Variants in TANK observed in about 807,000 individuals in gnomAD.
TANK encodes TRAF family member associated NFKB activator, also known as TRAF family member-associated NF-kappa-B activator.
A neutral mutation model predicts 43.6 loss-of-function variants in TANK; 15 were observed. The ratio of observed to expected loss-of-function variants is 0.34; its 90% CI spans 0.23 to 0.53. The LOEUF is 0.53. Among genes scored for constraint, TANK ranks in the 20% least tolerant of loss-of-function variants. The pLI is 0.94. For synonymous variants in TANK, 162 were observed against 178.2 expected, an observed-to-expected ratio of 0.91 and a Z score of 0.73; for missense variants, 417 against 498.6, an observed-to-expected ratio of 0.84 and a Z score of 1.56.
intron 1 of TANK, among the ~76,000 whole-genome samples, chr2:161,149,537 G>C (rs1214632184): frequency 1.3e-5 from 2 of 152,176 alleles, no homozygotes; most frequent in Non-Finnish European, 1.5e-5. Context: ...TAGCAGTGGT[G>C]AAAGAAAGTG....
chr2:161,202,876 A>G (rs1292238394), intron 2 of TANK: 3 of 468,194 alleles, frequency 6.4e-6, no homozygotes, highest in South Asian at 3.1e-5. Flanking sequence ...CTGCAATAAC[A>G]TAGCAAAATT....
rs1685330826 is a variant in TANK, at chr2:161,179,651, G to T, written c.-12G>T. 1 of 1,612,560 alleles carries T rather than the reference G, an allele frequency of 6.2e-7. No individual in the cohort carries two copies. The highest frequency in any genetic ancestry group is 8.5e-7 in the Non-Finnish European group (1 of 1,179,328). The stretch of plus-strand genomic sequence containing the variant: ...CTCCATCCTTTATAGTGATGCTACA[G>T]GACGAAGAGGAATGGATAAAAACAT... On this transcript the variant is annotated 5_prime_UTR_variant, in exon 2 of 8. The change creates a new upstream start codon in the 5' untranslated region. Coordinates refer to ENST00000392749, the MANE Select transcript of TANK (RefSeq NM_001199135.3).
chr2:161,166,803 AAAC>A (rs1684702568), intron 1 of TANK, among the ~76,000 whole-genome samples: 2 of 152,226 alleles, frequency 1.3e-5, no homozygotes, highest in South Asian at 4.1e-4. Flanking sequence ...CTCAAAAAAA[AAAC>A]AAAAAACAAA....
chr2:161,168,687 G>T (rs1297853067), intron 1 of TANK, among the ~76,000 whole-genome samples: 2 of 152,118 alleles, frequency 1.3e-5, no homozygotes, highest in African/African-American at 4.8e-5. Context: ...ACAAAAATTA[G>T]CTGGGTGTGG....
chr2:161,186,615 T>C (rs1685672119), intron 2 of TANK, among the ~76,000 whole-genome samples: 1 of 152,164 alleles, frequency 6.6e-6, no homozygotes, highest in Admixed American at 6.6e-5. Flanking sequence ...GGAAATGCTT[T>C]AGGACATCTG....
At chr2:161,179,925 G>GT (rs1249338372) in intron 2 of TANK, 164 bp downstream of exon 2, 74 of 1,269,924 alleles carry the variant, frequency 5.8e-5, no homozygotes, top group Middle Eastern at 2.8e-4. Context: ...TTTGTTTGTT[G>GT]TTTTTTTTAA....
chr2:161,218,102 A>G (rs1559002775), intron 4 of TANK, among the ~76,000 whole-genome samples: 1 of 152,152 alleles, frequency 6.6e-6, no homozygotes, highest in Non-Finnish European at 1.5e-5. Context: ...AACTTGAGTA[A>G]ATCTATCTTA....
In TANK at chr2:161,201,068, A is replaced by G. The variant is rs1012413681; in HGVS notation, c.100-2419A>G. 4.1e-6 allele frequency: 4 copies of G among 977,830 alleles called. No individual in the cohort carries two copies. In the African/African-American group the frequency reaches 7.0e-5, roughly 17 times the overall value. The allele number at this position is 977,830 out of a possible 1,614,324, so 60.6% of individuals were successfully genotyped here. A position where few individuals can be genotyped will look rare whatever the true frequency, so the allele number is the denominator to read the frequency against. ...TAGACAATTAGACTAGAATATTATA[A>G]CTGCTAAATACAAGTATGTGAAAAG... On this transcript the variant is annotated intron_variant, in intron 2 of 7. Coordinates refer to ENST00000392749, the MANE Select transcript of TANK (RefSeq NM_001199135.3).
intron 4 of TANK, among the ~76,000 whole-genome samples, chr2:161,207,064 G>A (rs1014912274): frequency 5.3e-5 from 8 of 151,964 alleles, no homozygotes; most frequent in Admixed American, 3.9e-4. Context: ...AAGTTTTAGA[G>A]TTTATTTTCA....
At chr2:161,206,220 T>G (rs1686646797) in intron 4 of TANK, among the ~76,000 whole-genome samples, 1 of 151,970 alleles carries the variant, frequency 6.6e-6, no homozygotes, top group Admixed American at 6.6e-5. Flanking sequence ...GTATATTATA[T>G]TGTTCTCCAT....
intron 1 of TANK, chr2:161,139,939 T>C: frequency 1.0e-6 from 1 of 967,432 alleles, no homozygotes; most frequent in Non-Finnish European, 1.2e-6. Context: ...ATATCCAACT[T>C]ATATTAAGAA....
intron 1 of TANK, among the ~76,000 whole-genome samples, chr2:161,140,561 C>T (rs963577973): frequency 6.6e-6 from 1 of 151,294 alleles, no homozygotes. Flanking sequence ...ATTGTTTTTG[C>T]TTTATCTTTG....
At chr2:161,161,139 A>T in intron 1 of TANK, 1 of 1,363,686 alleles carries the variant, frequency 7.3e-7, no homozygotes, top group Non-Finnish European at 9.7e-7. Context: ...CTGACTAGCA[A>T]CGAGTTACAG....
intron 2 of TANK, among the ~76,000 whole-genome samples, chr2:161,185,184 A>G (rs1284015896): frequency 6.6e-6 from 1 of 152,204 alleles, no homozygotes; most frequent in Non-Finnish European, 1.5e-5. Context: ...GAAACAAATT[A>G]TAGAAAAAGA....
chr2:161,137,926 A>G (rs1683634368), intron 1 of TANK: 1 of 251,196 alleles, frequency 4.0e-6, no homozygotes, highest in Non-Finnish European at 6.3e-6. Flanking sequence ...ATGAGCCAAG[A>G]CAGCACTATT....
At chr2:161,210,005 A>G (rs556962602) in intron 4 of TANK, among the ~76,000 whole-genome samples, 2 of 152,260 alleles carry the variant, frequency 1.3e-5, no homozygotes, top group African/African-American at 4.8e-5. Flanking sequence ...ACATGTCTTT[A>G]TTTTTCATCT....
intron 2 of TANK, 72 bp downstream of exon 2, chr2:161,179,833 A>G (rs545732530): frequency 1.3e-6 from 2 of 1,519,700 alleles, no homozygotes; most frequent in Non-Finnish European, 8.9e-7. Flanking sequence ...TGCATCTGAA[A>G]AATGTTATAT....
At chr2:161,223,084 G>A (rs948188585) in intron 4 of TANK, 1 of 151,964 alleles carries the variant, frequency 6.6e-6, no homozygotes, top group East Asian at 1.9e-4. Context: ...TGTCACTAAA[G>A]ACAGATATCC....
chr2:161,213,956 A>C (rs1041196913), intron 4 of TANK, among the ~76,000 whole-genome samples: 8 of 152,188 alleles, frequency 5.3e-5, no homozygotes, highest in African/African-American at 1.9e-4. Flanking sequence ...ATTCTGTAAC[A>C]TCATGAATCA....
Sources: allele counts gnomAD v4.1 joint callset (sites outside exome capture counted in the v4.1 genomes callset), GRCh38; gene constraint gnomAD v4.1.1; transcripts MANE v1.5; gene names NCBI Gene and HGNC (gene_info 2026-07-23, HGNC 2026-07-21).